The following DRICH1 variants were observed in gnomAD, a reference collection of about 807,000 sequenced individuals.
DRICH1 encodes the protein aspartate rich 1.
In DRICH1, 38 loss-of-function variants were observed where a neutral mutation model predicts 39.5. That is an observed-to-expected ratio of 0.96 (90% CI 0.74 to 1.26). The LOEUF is 1.26. Ranked by LOEUF, DRICH1 falls within the 50% of genes most tolerant of loss-of-function variation. The pLI, the probability that DRICH1 is intolerant of heterozygous loss-of-function variation, is 0.00. For missense variants in DRICH1, 279 were observed against 270.4 expected (o/e 1.03, Z -0.22); for synonymous variants, 84 against 99.5 (o/e 0.84, Z 0.93).
At chr22:23,601,673 G>A in the DRICH1 span, among the ~76,000 whole-genome samples, 2 of 152,172 alleles carry the variant, frequency 1.3e-5, no homozygotes, top group Non-Finnish European at 2.9e-5. Context: ...ATCCGTTACT[G>A]TAGCTGCAAG....
the DRICH1 span, among the ~76,000 whole-genome samples, chr22:23,597,295 C>T: frequency 6.7e-6 from 1 of 149,152 alleles, no homozygotes; most frequent in African/African-American, 2.5e-5. Context: ...AGTTTGAGAC[C>T]AGCCTGGGCA....
At chr22:23,623,614 C>T (rs1216386520) in intron 3 of DRICH1, among the ~76,000 whole-genome samples, 1 of 151,304 alleles carries the variant, frequency 6.6e-6, no homozygotes, top group Non-Finnish European at 1.5e-5. Flanking sequence ...TGCTATCAAA[C>T]TGGTAACAGC....
the DRICH1 span, among the ~76,000 whole-genome samples, chr22:23,593,063 G>A: frequency 4.0e-5 from 6 of 151,654 alleles, no homozygotes; most frequent in Non-Finnish European, 8.8e-5. Context: ...AATTATTCCT[G>A]AAGAAACACA....
At chr22:23,589,117 CA>C in the DRICH1 span, among the ~76,000 whole-genome samples, 3 of 151,336 alleles carry the variant, frequency 2.0e-5, no homozygotes, top group African/African-American at 7.3e-5. Context: ...CACACACACA[CA>C]CACACACACC....
rs370821779 is a variant in DRICH1 at position 23,615,751 on chromosome 22, C to CCA, written c.541+1100_541+1101dup. ...GGTTGCACATTCATGAGATTGAAATCCACACACACACACAAATACAGAAAT... is the reference window on the plus strand; with the variant it reads ...GGTTGCACATTCATGAGATTGAAATCCACACACACACACACAAATACAGAAAT... On this transcript the variant is annotated intron_variant, in intron 8 of 11. Coordinates refer to ENST00000317749, the MANE Select transcript of DRICH1 (RefSeq NM_016449.4). 3.4e-4 allele frequency among the ~76,000 whole-genome samples: 52 copies of CCA among 152,040 alleles called. 1 individual carries two copies. In the South Asian group the frequency reaches 9.3e-3, roughly 27 times the overall value.
chr22:23,627,411 A>G (rs1928135163), intron 1 of DRICH1, among the ~76,000 whole-genome samples: 1 of 152,160 alleles, frequency 6.6e-6, no homozygotes, highest in African/African-American at 2.4e-5. Flanking sequence ...GTATTTAAAT[A>G]TGAGGAGGCA....
intron 10 of DRICH1, 60 bp downstream of exon 10, chr22:23,613,579 C>G (rs1303199465): frequency 5.2e-6 from 7 of 1,347,796 alleles, no homozygotes; most frequent in Non-Finnish European, 7.5e-6. Flanking sequence ...AATCAGGTTT[C>G]TATACACTGA....
At position 23,613,586 on chromosome 22, in the gene DRICH1, C is replaced by G. The variant is rs1466235443; in HGVS notation, c.643+53G>C. 5.5e-6 allele frequency: 8 copies of G among 1,455,522 alleles called. No individual in the cohort carries two copies. In the South Asian group the frequency reaches 6.8e-5, roughly 12 times the overall value. The allele number at this position is 1,455,522 out of a possible 1,614,324, so 90.2% of individuals were successfully genotyped here. A position where few individuals can be genotyped will look rare whatever the true frequency, so the allele number is the denominator to read the frequency against. ...GACCCCAGAATCAGGTTTCTATACA[C>G]TGAAGCTAGCAAGTTTTTTCCCTCA... is the stretch of plus-strand genomic sequence containing the variant. On this transcript the variant is annotated intron_variant, in intron 10 of 11. Transcript: ENST00000317749.
At chr22:23,611,074 C>T (rs1927009392) in intron 11 of DRICH1, among the ~76,000 whole-genome samples, 1 of 152,168 alleles carries the variant, frequency 6.6e-6, no homozygotes, top group South Asian at 2.1e-4. Context: ...AGACCAATTT[C>T]TGACCCATGG....
intron 1 of DRICH1, chr22:23,630,562 G>A (rs1484619335): frequency 6.6e-6 from 1 of 152,174 alleles, no homozygotes. Context: ...GGAGGCTGAG[G>A]TGAGAGGACC....
At chr22:23,602,600 G>A in the DRICH1 span, among the ~76,000 whole-genome samples, 95 of 152,118 alleles carry the variant, frequency 6.2e-4, 2 homozygotes, top group South Asian at 0.019. Flanking sequence ...CAAGAGAATC[G>A]CTTGAACCCA....
the DRICH1 span, among the ~76,000 whole-genome samples, chr22:23,595,555 T>C: frequency 6.6e-6 from 1 of 152,194 alleles, no homozygotes; most frequent in Non-Finnish European, 1.5e-5. Context: ...CCTCTGAAAA[T>C]GTATCCTAAA....
chr22:23,614,164 C>T lies in DRICH1; in HGVS notation c.592G>A (p.Glu198Lys). ...ATGTCATCATCATCTTCTTCTTCTTCATCTTTGTGTCTCAGTGAGCATCTT... is the reference window on the plus strand; with the variant it reads ...ATGTCATCATCATCTTCTTCTTCTTTATCTTTGTGTCTCAGTGAGCATCTT... ...FLRCSLRHKD[E>K]EEEDDDDIHI... Residue 198 changes from glutamate to lysine, a missense_variant, in exon 9 of 12, where the codon GAA becomes AAA. Coordinates refer to ENST00000317749, the MANE Select transcript of DRICH1 (RefSeq NM_016449.4). 1 of 1,613,862 alleles carries T rather than the reference C, an allele frequency of 6.2e-7. No homozygotes were observed. The highest frequency in any genetic ancestry group is 1.1e-5 in the South Asian group (1 of 91,076).
At chr22:23,595,046 G>A in the DRICH1 span, among the ~76,000 whole-genome samples, 2 of 149,596 alleles carry the variant, frequency 1.3e-5, no homozygotes, top group Admixed American at 6.7e-5. Flanking sequence ...AGGAAAGCCA[G>A]GGTCTCCACC....
At chr22:23,590,233 C>A in the DRICH1 span, among the ~76,000 whole-genome samples, 1 of 151,100 alleles carries the variant, frequency 6.6e-6, no homozygotes. Flanking sequence ...TTTCTAGCAT[C>A]GTTGCATTGT....
the DRICH1 span, among the ~76,000 whole-genome samples, chr22:23,590,667 C>T: frequency 1.3e-5 from 2 of 152,094 alleles, no homozygotes; most frequent in East Asian, 3.9e-4. Flanking sequence ...GGCACAATCT[C>T]AGCTCATTGC....
At chr22:23,584,473 GAAA>G in the DRICH1 span, among the ~76,000 whole-genome samples, 2 of 152,166 alleles carry the variant, frequency 1.3e-5, no homozygotes, top group African/African-American at 4.8e-5. Flanking sequence ...GTCTCCAGAG[GAAA>G]TACAGGACCA....
At chr22:23,596,323 C>T in the DRICH1 span, among the ~76,000 whole-genome samples, 10 of 152,278 alleles carry the variant, frequency 6.6e-5, no homozygotes, top group African/African-American at 1.9e-4. Context: ...TGCAGTGACA[C>T]GATCACAGCT....
Position 23,631,978 on chromosome 22 carries a change from G to A in DRICH1, c.46C>T (p.Pro16Ser). 1 of 1,613,610 alleles carries A rather than the reference G, an allele frequency of 6.2e-7. No individual in the cohort carries two copies. ...TAACAGGGTGCGTCCTTCCCCCTGGGCCAGCCACAGTGGGAGTTGATACAA... is the reference window on the plus strand; with the variant it reads ...TAACAGGGTGCGTCCTTCCCCCTGGACCAGCCACAGTGGGAGTTGATACAA... The part of the protein sequence containing the change: ...TCCINSHCGW[P>S]RGKDAPCYES... Residue 16 changes from proline (P) to serine (S), a missense_variant, in exon 1 of 12, where the codon CCC becomes TCC. By Grantham distance (74) the Pro-to-Ser change is moderately conservative. Transcript: ENST00000317749.
Sources: gnomAD v4.1 joint callset for allele counts (sites outside exome capture counted in the v4.1 genomes callset) on GRCh38, gnomAD v4.1.1 for gene constraint, MANE v1.5 for transcripts, NCBI Gene and HGNC (gene_info 2026-07-23, HGNC 2026-07-21) for gene names.